ZNF461: variants seen among roughly 807,000 people sequenced by gnomAD.
ZNF461 encodes the protein gonadotropin-inducible ovarian transcription factor-1.
ZNF461 carries 16 observed loss-of-function variants against 18.3 expected under a neutral mutation model. The observed-to-expected ratio is 0.88, with a 90% confidence interval of 0.59 to 1.33. ZNF461 has a LOEUF of 1.33. ZNF461 is among the 40% of genes most tolerant of loss of function. ZNF461 has a pLI of 0.00. For missense variants in ZNF461, 595 were observed against 669.9 expected (o/e 0.89, Z 1.23); for synonymous variants, 179 against 216.9 (o/e 0.83, Z 1.54).
chr19:36,650,668 G>A (rs952804548), intron 4 of ZNF461, among the ~76,000 whole-genome samples: 1 of 151,948 alleles, frequency 6.6e-6, no homozygotes, highest in African/African-American at 2.4e-5. Flanking sequence ...GAACTTAAAT[G>A]AGAAAATTGT....
Position 36,664,805 on chromosome 19 carries a change from A to G in ZNF461, c.-80-19T>C. On this transcript the variant is annotated intron_variant, in intron 1 of 5. Transcript: ENST00000588268. ...GGTGTTGCTGGGAGAGAGGGGAGTT[A>G]AAAAAAAGACAGGAGATTATTGCCT... The G allele has an allele frequency of 6.7e-6, 6 of 895,838 alleles. No individual in the cohort carries two copies. Among genetic ancestry groups the G allele is most frequent in the Non-Finnish European group, 9.6e-6 (6 of 626,330 alleles). The allele number at this position is 895,838 out of a possible 1,614,324, so 55.5% of individuals were successfully genotyped here.
At chr19:36,664,029 CAATA>C (rs1298977441) in intron 2 of ZNF461, among the ~76,000 whole-genome samples, 1 of 152,084 alleles carries the variant, frequency 6.6e-6, no homozygotes, top group Admixed American at 6.6e-5. Flanking sequence ...AGTAGGTACT[CAATA>C]AATATTCGTT....
intron 3 of ZNF461, among the ~76,000 whole-genome samples, chr19:36,657,167 T>G (rs1257792791): frequency 1.3e-5 from 2 of 151,878 alleles, no homozygotes; most frequent in Non-Finnish European, 2.9e-5. Context: ...TAAAAATAAC[T>G]TCCAAAGGCA....
At chr19:36,664,647 A>G (rs895145076) in intron 2 of ZNF461, 51 bp downstream of exon 2, 2 of 1,479,470 alleles carry the variant, frequency 1.4e-6, no homozygotes, top group Non-Finnish European at 1.8e-6. Context: ...ACAAAAACAA[A>G]CAAACAAAAA....
At chr19:36,642,499 C>T (rs2037442937) in intron 5 of ZNF461, among the ~76,000 whole-genome samples, 1 of 152,028 alleles carries the variant, frequency 6.6e-6, no homozygotes, top group African/African-American at 2.4e-5. Context: ...TGCCCTCTTA[C>T]CTGGCAACTC....
At chr19:36,640,236 A>G (rs2037400952) in intron 5 of ZNF461, 193 bp from the exon 6 acceptor site, 2 of 497,978 alleles carry the variant, frequency 4.0e-6, no homozygotes, top group South Asian at 3.9e-5. Context: ...AAATAATTCA[A>G]TGGTGCTGAA....
At position 36,658,556 on chromosome 19, in the gene ZNF461, T is replaced by C. The variant is rs1450423706; in HGVS notation, c.10-131A>G. 3 of 903,452 alleles carry C rather than the reference T, an allele frequency of 3.3e-6. No homozygotes were observed. In the African/African-American group the frequency reaches 5.2e-5, roughly 16 times the overall value. The allele number at this position is 903,452 out of a possible 1,614,324, so 56.0% of individuals were successfully genotyped here. A position where few individuals can be genotyped will look rare whatever the true frequency, so the allele number is the denominator to read the frequency against. ...GAATATATAGGCTAAGCCTGGGACATGGGTCAAAGAGGAATTTAGTGTGAC... is the reference window on the plus strand; with the variant it reads ...GAATATATAGGCTAAGCCTGGGACACGGGTCAAAGAGGAATTTAGTGTGAC... On this transcript the variant is annotated intron_variant, in intron 2 of 5. Transcript: ENST00000588268.
rs909479026 is a variant in ZNF461 at position 36,637,568 on chromosome 19, G to A, written c.*1085C>T. ...CTTATTGGCCGGGCATAGTGGCTGCGCATGCCTGTAGTCCCAGCTACTCAG... is the reference window on the plus strand; with the variant it reads ...CTTATTGGCCGGGCATAGTGGCTGCACATGCCTGTAGTCCCAGCTACTCAG... On this transcript the variant is annotated 3_prime_UTR_variant, in exon 6 of 6. Coordinates refer to ENST00000588268, the MANE Select transcript of ZNF461 (RefSeq NM_153257.5). The A allele has an allele frequency of 5.3e-5, 10 of 187,034 alleles. No homozygotes were observed. The highest frequency in any genetic ancestry group is 2.5e-4 in the South Asian group (3 of 11,930). The allele number at this position is 187,034 out of a possible 1,614,324, so 11.6% of individuals were successfully genotyped here. A position where few individuals can be genotyped will look rare whatever the true frequency, so the allele number is the denominator to read the frequency against.
chr19:36,652,636 GAGAAA>G (rs1293069327), intron 4 of ZNF461, among the ~76,000 whole-genome samples: 3 of 151,860 alleles, frequency 2.0e-5, no homozygotes, highest in Non-Finnish European at 4.4e-5. Context: ...CAATTCATAA[GAGAAA>G]AGAAGATAAA....
chr19:36,639,641 T>C lies in ZNF461; in HGVS notation c.704A>G (p.Lys235Arg). Residue 235 changes from lysine (K) to arginine (R), a missense_variant, in exon 6 of 6, where the codon AAA becomes AGA. Physicochemically the swap from Lys to Arg is conservative, Grantham distance 26. Coordinates refer to ENST00000588268, the MANE Select transcript of ZNF461 (RefSeq NM_153257.5). ...GTCACCATTTTGAATTGTCTGTTGTTTAAAAAGGCATGGTGTATTAACAAT... is the reference window on the plus strand; with the variant it reads ...GTCACCATTTTGAATTGTCTGTTGTCTAAAAAGGCATGGTGTATTAACAAT... ...TEIVNTPCLF[K>R]QQTIQNGDKC... The C allele has an allele frequency of 1.2e-6, 2 of 1,613,814 alleles. No homozygotes were observed. Among genetic ancestry groups the C allele is most frequent in the Non-Finnish European group, 1.7e-6 (2 of 1,179,784 alleles).
intron 4 of ZNF461, among the ~76,000 whole-genome samples, chr19:36,649,682 G>C (rs1464649523): frequency 6.6e-6 from 1 of 152,028 alleles, no homozygotes; most frequent in South Asian, 2.1e-4. Flanking sequence ...AAAACTTCTA[G>C]GAGAGTAGAT....
At chr19:36,644,687 CCG>C (rs2037492783) in intron 4 of ZNF461, among the ~76,000 whole-genome samples, 1 of 151,932 alleles carries the variant, frequency 6.6e-6, no homozygotes, top group Non-Finnish European at 1.5e-5. Flanking sequence ...CCTCTGACTC[CCG>C]GGTTCAAGCA....
intron 2 of ZNF461, among the ~76,000 whole-genome samples, chr19:36,661,992 C>T (rs1336425786): frequency 6.6e-6 from 1 of 151,954 alleles, no homozygotes; most frequent in Non-Finnish European, 1.5e-5. Flanking sequence ...GCTTCAGCCT[C>T]CTGAGTAGTT....
intron 4 of ZNF461, among the ~76,000 whole-genome samples, chr19:36,646,964 A>G (rs1228251720): frequency 6.6e-6 from 1 of 152,194 alleles, no homozygotes; most frequent in East Asian, 1.9e-4. Context: ...GGGGTTCTCA[A>G]TAGTTTTTAA....
chr19:36,650,257 A>C (rs1027065539), intron 4 of ZNF461, among the ~76,000 whole-genome samples: 2 of 152,158 alleles, frequency 1.3e-5, no homozygotes, highest in African/African-American at 4.8e-5. Context: ...AACAACTATA[A>C]GTACATATAT....
intron 2 of ZNF461, among the ~76,000 whole-genome samples, chr19:36,663,341 G>A (rs1447666511): frequency 6.6e-6 from 1 of 151,926 alleles, no homozygotes; most frequent in Non-Finnish European, 1.5e-5. Flanking sequence ...CTATTTGCCT[G>A]GTATAGTTGT....
In ZNF461 at chr19:36,638,534, C is replaced by A. The variant is rs2037340863; in HGVS notation, c.*119G>T. On this transcript the variant is annotated 3_prime_UTR_variant, in exon 6 of 6. Transcript: ENST00000588268. ...TTTACACTTTAGTTATCCACTTTCT[C>A]ACTTAAAAACATTTGATTTTCAAGG... is the stretch of plus-strand genomic sequence containing the variant. 1.2e-6 allele frequency: 1 copy of A among 807,506 alleles called. No homozygotes were observed. The highest frequency in any genetic ancestry group is 1.8e-6 in the Non-Finnish European group (1 of 545,664). 50.0% of individuals were successfully genotyped at this position (807,506 alleles called of 1,614,324 possible).
intron 4 of ZNF461, among the ~76,000 whole-genome samples, chr19:36,655,862 G>A (rs896306080): frequency 1.5e-4 from 23 of 152,180 alleles, no homozygotes; most frequent in Admixed American, 1.4e-3. Flanking sequence ...TGTAAGACAA[G>A]GGTACAACTG....
chr19:36,639,899 C>A lies in ZNF461; in HGVS notation c.446G>T (p.Cys149Phe), dbSNP rs1484648050. 6.2e-7 allele frequency: 1 copy of A among 1,613,758 alleles called. No individual in the cohort carries two copies. The highest frequency in any genetic ancestry group is 1.3e-5 in the African/African-American group (1 of 74,926). The change falls in exon 6 of 6, where the codon TGT becomes TTT. Residue 149 changes from cysteine (C) to phenylalanine (F), a missense_variant. Coordinates refer to ENST00000588268, the MANE Select transcript of ZNF461 (RefSeq NM_153257.5). ...SIFSAIWEGN[C>F]HFEQHQGQEE... ...TTGTCCCTGATGTTGCTCAAAATGA[C>A]AGTTGCCTTCCCAGATAGCGCTGAA...
Sources: allele counts gnomAD v4.1 joint callset (sites outside exome capture counted in the v4.1 genomes callset), GRCh38; gene constraint gnomAD v4.1.1; transcripts MANE v1.5; gene names NCBI Gene and HGNC (gene_info 2026-07-23, HGNC 2026-07-21).